The following CAP2 variants were observed in gnomAD, a reference collection of about 807,000 sequenced individuals.
CAP2 encodes adenylyl cyclase-associated protein 2.
In CAP2, 24 loss-of-function variants were observed where a neutral mutation model predicts 57.7. The observed-to-expected ratio is 0.42, with a 90% CI of 0.30 to 0.58. CAP2 has a LOEUF of 0.58. Among genes scored for constraint, CAP2 ranks in the 20% least tolerant of loss-of-function variants. The probability of loss-of-function intolerance (pLI) is 0.22; values close to 1 mark genes in which losing one functional copy is unlikely to be tolerated. For missense variants in CAP2, 501 were observed against 590.3 expected (o/e 0.85, Z 1.57); for synonymous variants, 194 against 207.2 (o/e 0.94, Z 0.55).
At chr6:17,536,799 A>G (rs1339044507) in intron 7 of CAP2, among the ~76,000 whole-genome samples, 3 of 152,154 alleles carry the variant, frequency 2.0e-5, no homozygotes, top group Non-Finnish European at 2.9e-5. Flanking sequence ...TTATGAGTAA[A>G]AGTAATACTT....
intron 7 of CAP2, among the ~76,000 whole-genome samples, chr6:17,514,179 AT>A (rs1197964307): frequency 2.0e-5 from 3 of 151,924 alleles, no homozygotes; most frequent in Admixed American, 6.6e-5. Context: ...CCTGGCAAAC[AT>A]GACAAAACAC....
At chr6:17,456,981 T>C (rs1481480280) in intron 3 of CAP2, among the ~76,000 whole-genome samples, 1 of 152,158 alleles carries the variant, frequency 6.6e-6, no homozygotes, top group Non-Finnish European at 1.5e-5. Context: ...AAATAAGTCA[T>C]ATTTCACTAG....
chr6:17,404,225 C>T (rs1187192814), intron 1 of CAP2, among the ~76,000 whole-genome samples: 8 of 152,144 alleles, frequency 5.3e-5, no homozygotes, highest in Admixed American at 1.3e-4. Context: ...TAATCCCCAC[C>T]ACTTTGAGAG....
intron 3 of CAP2, among the ~76,000 whole-genome samples, chr6:17,429,292 A>G (rs556994424): frequency 1.3e-4 from 20 of 152,318 alleles, no homozygotes; most frequent in Admixed American, 5.9e-4. Context: ...CTTGAACACT[A>G]TGACAGTAAT....
intron 6 of CAP2, among the ~76,000 whole-genome samples, chr6:17,512,461 A>T (rs1762179029): frequency 6.6e-6 from 1 of 152,194 alleles, no homozygotes; most frequent in South Asian, 2.1e-4. Flanking sequence ...GTCCACAAAC[A>T]TACATGTGTG....
chr6:17,444,804 C>CTCCACA (rs1760206563), intron 3 of CAP2, among the ~76,000 whole-genome samples: 2 of 140,406 alleles, frequency 1.4e-5, no homozygotes, highest in Non-Finnish European at 3.1e-5. Flanking sequence ...TTCTCTCTCT[C>CTCCACA]CACACACACA....
At position 17,539,405 on chromosome 6, in the gene CAP2, C is replaced by T. The variant is rs1466610761; in HGVS notation, c.773C>T (p.Pro258Leu). 2.5e-6 allele frequency: 4 copies of T among 1,614,104 alleles called. No individual in the cohort carries two copies. Among genetic ancestry groups the T allele is most frequent in the Non-Finnish European group, 3.4e-6 (4 of 1,180,050 alleles). ...ENEGKKEESS[P>L]SRSALFAQLN... ...GAAGGCAAAAAAGAGGAATCTTCTCCTTCACGCTCAGCTTTATTTGCCCAA... is the reference window on the plus strand; with the variant it reads ...GAAGGCAAAAAAGAGGAATCTTCTCTTTCACGCTCAGCTTTATTTGCCCAA... The change falls in exon 8 of 13, where the codon CCT (proline) becomes CTT (leucine). Residue 258 changes from proline (P) to leucine (L), a missense_variant. Transcript: ENST00000229922.
intron 4 of CAP2, among the ~76,000 whole-genome samples, chr6:17,464,620 G>A (rs1336293915): frequency 2.0e-5 from 3 of 152,140 alleles, no homozygotes; most frequent in East Asian, 1.9e-4. Context: ...TGGGCTTCAC[G>A]GGTGATTCTG....
At chr6:17,522,383 T>C (rs2113676931) in intron 7 of CAP2, among the ~76,000 whole-genome samples, 1 of 152,334 alleles carries the variant, frequency 6.6e-6, no homozygotes, top group Non-Finnish European at 1.5e-5. Context: ...CCAGGCATTA[T>C]ATTTATACTA....
At chr6:17,458,809 GAA>G (rs757780219) in intron 3 of CAP2, among the ~76,000 whole-genome samples, 6 of 146,056 alleles carry the variant, frequency 4.1e-5, no homozygotes, top group Admixed American at 1.4e-4. Flanking sequence ...GATTAAAAAT[GAA>G]ATTATGTATA....
chr6:17,514,425 TC>T lies in CAP2; in HGVS notation c.636+474del, dbSNP rs111376435. Among the ~76,000 whole-genome samples the T allele has an allele frequency of 1.4e-3, 206 of 150,434 alleles. 1 individual carries two copies. Among genetic ancestry groups the T allele is most frequent in the African/African-American group, 4.9e-3 (199 of 40,920 alleles). The stretch of plus-strand genomic sequence containing the variant: ...TTTGTTGTAGGAGAAATTTCGGAGC[TC>T]CCTACATAACATAGAAAAGAAATAG... On this transcript the variant is annotated intron_variant, in intron 7 of 12. Transcript: ENST00000229922.
chr6:17,437,497 A>G (rs1759925976), intron 3 of CAP2, among the ~76,000 whole-genome samples: 1 of 152,166 alleles, frequency 6.6e-6, no homozygotes. Flanking sequence ...GAGTTTTGCC[A>G]ATCTGATGGG....
At chr6:17,515,531 G>C (rs183546885) in intron 7 of CAP2, among the ~76,000 whole-genome samples, 2 of 152,134 alleles carry the variant, frequency 1.3e-5, no homozygotes, top group Admixed American at 1.3e-4. Flanking sequence ...TGGGTGACGG[G>C]ATCATTCACA....
intron 3 of CAP2, among the ~76,000 whole-genome samples, chr6:17,446,222 A>G (rs972121717): frequency 6.6e-6 from 1 of 152,236 alleles, no homozygotes; most frequent in Admixed American, 6.5e-5. Flanking sequence ...ACAAGAAAAC[A>G]ATAACATGAA....
chr6:17,503,388 C>T (rs1028213187), intron 4 of CAP2, among the ~76,000 whole-genome samples: 2 of 152,018 alleles, frequency 1.3e-5, no homozygotes, highest in African/African-American at 4.8e-5. Context: ...GCGGGCAGAT[C>T]ACAGGTTGAG....
At chr6:17,479,023 A>G (rs1291773760) in intron 4 of CAP2, among the ~76,000 whole-genome samples, 7 of 152,172 alleles carry the variant, frequency 4.6e-5, no homozygotes, top group South Asian at 2.1e-4. Flanking sequence ...CTATGTCATC[A>G]GAAGAGGACT....
At chr6:17,495,248 G>A (rs948951413) in intron 4 of CAP2, among the ~76,000 whole-genome samples, 1 of 152,162 alleles carries the variant, frequency 6.6e-6, no homozygotes, top group African/African-American at 2.4e-5. Context: ...GTTTACTGCT[G>A]TACCCCAGCA....
intron 3 of CAP2, among the ~76,000 whole-genome samples, chr6:17,434,231 C>CTT (rs1219210615): frequency 0.02 from 2,678 of 137,050 alleles, 77 homozygotes; most frequent in African/African-American, 0.073. Flanking sequence ...CTCTTTTTTT[C>CTT]TTTCTTTTTT....
At chr6:17,553,793 T>C (rs185371878) in intron 12 of CAP2, among the ~76,000 whole-genome samples, 106 of 152,162 alleles carry the variant, frequency 7.0e-4, no homozygotes, top group African/African-American at 2.5e-3. Context: ...CTGAAAGAAA[T>C]TGGTCTCCCA....
Sources: allele counts gnomAD v4.1 joint callset (sites outside exome capture counted in the v4.1 genomes callset), GRCh38; gene constraint gnomAD v4.1.1; transcripts MANE v1.5; gene names NCBI Gene and HGNC (gene_info 2026-07-23, HGNC 2026-07-21).